ANKRD6: variants seen among roughly 807,000 people sequenced by gnomAD.
ANKRD6 encodes ankyrin repeat domain 6.
Under a neutral mutation model 82.3 loss-of-function variants are expected in ANKRD6, and 56 were observed. That is an observed-to-expected ratio of 0.68 (90% CI 0.55 to 0.85). The LOEUF is 0.85. ANKRD6 is among the 40% of genes least tolerant of loss of function. The pLI is 0.00. For synonymous variants in ANKRD6, 347 were observed against 352.1 expected (o/e 0.99, Z 0.16); for missense variants, 852 against 907.6 (o/e 0.94, Z 0.79).
chr6:89,548,954 C>T (rs1221564529), intron 1 of ANKRD6, among the ~76,000 whole-genome samples: 4 of 152,154 alleles, frequency 2.6e-5, no homozygotes, highest in Non-Finnish European at 4.4e-5. Context: ...CACCTGTAAT[C>T]CCAGCACTTC....
At chr6:89,625,535 TG>T (rs1380205198) in intron 13 of ANKRD6, among the ~76,000 whole-genome samples, 1 of 152,196 alleles carries the variant, frequency 6.6e-6, no homozygotes, top group Non-Finnish European at 1.5e-5. Flanking sequence ...CTTGTCTCTC[TG>T]ACACACATGT....
At chr6:89,606,409 A>G (rs546542783) in intron 5 of ANKRD6, among the ~76,000 whole-genome samples, 1 of 152,178 alleles carries the variant, frequency 6.6e-6, no homozygotes, top group East Asian at 1.9e-4. Context: ...AAATATGGCA[A>G]TGGAGTTGGC....
At chr6:89,480,009 G>A (rs1374928774) in intron 1 of ANKRD6, among the ~76,000 whole-genome samples, 1 of 152,062 alleles carries the variant, frequency 6.6e-6, no homozygotes, top group Non-Finnish European at 1.5e-5. Flanking sequence ...TTTGTATCAC[G>A]TGTGATGAAG....
At chr6:89,616,754 C>G in intron 8 of ANKRD6, 97 bp downstream of exon 8, 1 of 1,177,944 alleles carries the variant, frequency 8.5e-7, no homozygotes. Context: ...GCCCAGCGCA[C>G]TCTGGAAGAC....
At chr6:89,465,352 C>T (rs889249788) in intron 1 of ANKRD6, among the ~76,000 whole-genome samples, 11 of 151,930 alleles carry the variant, frequency 7.2e-5, no homozygotes, top group African/African-American at 2.7e-4. Flanking sequence ...AACTCCTGAC[C>T]TCAAGTGATC....
At chr6:89,622,926 C>T (rs913206451) in intron 10 of ANKRD6, among the ~76,000 whole-genome samples, 5 of 150,328 alleles carry the variant, frequency 3.3e-5, no homozygotes, top group Admixed American at 6.7e-5. Flanking sequence ...CAGTTGTGAA[C>T]GTTCTCACAA....
chr6:89,622,811 C>T (rs1349017470), intron 10 of ANKRD6, among the ~76,000 whole-genome samples: 1 of 152,074 alleles, frequency 6.6e-6, no homozygotes, highest in Non-Finnish European at 1.5e-5. Context: ...AATGTTATCA[C>T]CAAGTACTTG....
chr6:89,559,411 G>C (rs990642573), intron 1 of ANKRD6, among the ~76,000 whole-genome samples: 6 of 152,154 alleles, frequency 3.9e-5, no homozygotes, highest in African/African-American at 1.4e-4. Flanking sequence ...CAGCAAGCAA[G>C]AATGATCCCT....
At chr6:89,582,625 A>C (rs895983124) in intron 2 of ANKRD6, among the ~76,000 whole-genome samples, 1 of 151,984 alleles carries the variant, frequency 6.6e-6, no homozygotes, top group African/African-American at 2.4e-5. Flanking sequence ...ATTAAACACT[A>C]ACTCCCCTTT....
chr6:89,618,249 C>T (rs1583836415), intron 9 of ANKRD6: 2 of 688,466 alleles, frequency 2.9e-6, no homozygotes, highest in South Asian at 3.1e-5. Context: ...CATCTTCTCC[C>T]TGTGGCTGGA....
chr6:89,584,300 A>G (rs1248743061), intron 2 of ANKRD6, among the ~76,000 whole-genome samples: 1 of 152,202 alleles, frequency 6.6e-6, no homozygotes, highest in Non-Finnish European at 1.5e-5. Context: ...GCCAAAGAGA[A>G]AAGGAGCTCT....
chr6:89,521,008 C>T (rs1346250446), intron 1 of ANKRD6, among the ~76,000 whole-genome samples: 2 of 152,216 alleles, frequency 1.3e-5, no homozygotes, highest in East Asian at 3.9e-4. Context: ...ATAGTCTGTC[C>T]TCCCACATTC....
At chr6:89,490,803 C>G (rs1381119947) in intron 1 of ANKRD6, among the ~76,000 whole-genome samples, 7 of 152,124 alleles carry the variant, frequency 4.6e-5, no homozygotes, top group Non-Finnish European at 2.9e-5. Flanking sequence ...AGTGCCATCT[C>G]CGCTTGGCCT....
intron 1 of ANKRD6, among the ~76,000 whole-genome samples, chr6:89,531,206 G>A (rs1783102306): frequency 6.6e-6 from 1 of 152,236 alleles, no homozygotes; most frequent in South Asian, 2.1e-4. Context: ...GCCAAAGTGC[G>A]GATCTGTTCT....
chr6:89,624,405 G>T (rs1804852057), intron 12 of ANKRD6, 134 bp from the exon 13 acceptor site: 12 of 1,209,328 alleles, frequency 9.9e-6, no homozygotes, highest in Non-Finnish European at 1.1e-5. Context: ...ATGTTCCAAA[G>T]TTATGACAAG....
intron 2 of ANKRD6, among the ~76,000 whole-genome samples, chr6:89,574,584 G>A (rs1221378190): frequency 6.6e-6 from 1 of 152,232 alleles, no homozygotes; most frequent in Non-Finnish European, 1.5e-5. Flanking sequence ...GTTATTGACT[G>A]TGAATTTCTT....
At chr6:89,513,424 C>T (rs538887162) in intron 1 of ANKRD6, among the ~76,000 whole-genome samples, 1 of 152,230 alleles carries the variant, frequency 6.6e-6, no homozygotes, top group Admixed American at 6.5e-5. Context: ...ATAATGCAAT[C>T]GATGACTTTT....
chr6:89,628,488 G>T (rs1252873780), intron 14 of ANKRD6: 1 of 158,456 alleles, frequency 6.3e-6, no homozygotes, highest in African/African-American at 2.4e-5. Flanking sequence ...CTAATAGAGC[G>T]GATGGGCGCA....
chr6:89,545,010 C>G (rs1784900365), intron 1 of ANKRD6, among the ~76,000 whole-genome samples: 1 of 151,182 alleles, frequency 6.6e-6, no homozygotes, highest in Non-Finnish European at 1.5e-5. Context: ...TCAGGAGATC[C>G]AGACCATCCT....
Sources: gnomAD v4.1 joint callset for allele counts (sites outside exome capture counted in the v4.1 genomes callset) on GRCh38, gnomAD v4.1.1 for gene constraint, MANE v1.5 for transcripts, NCBI Gene and HGNC (gene_info 2026-07-23, HGNC 2026-07-21) for gene names.